Variants in RPS9 observed in about 807,000 individuals in gnomAD.
RPS9 encodes the protein ribosomal protein S9.
A neutral mutation model predicts 16.9 loss-of-function variants in RPS9; 1 was observed. That is an observed-to-expected ratio of 0.06 (90% confidence interval 0.02 to 0.28). The LOEUF is 0.28. RPS9 is among the 10% of genes least tolerant of loss of function. RPS9 has a pLI of 1.00. For synonymous variants in RPS9, 106 were observed against 110.9 expected, an observed-to-expected ratio of 0.96 and a Z score of 0.28; for missense variants, 137 against 273.2, an observed-to-expected ratio of 0.50 and a Z score of 3.51.
At chr19:54,205,143 A>T (rs1197462347) in intron 3 of RPS9, among the ~76,000 whole-genome samples, 2 of 152,074 alleles carry the variant, frequency 1.3e-5, no homozygotes, top group African/African-American at 4.8e-5. Flanking sequence ...TAAGGAAAAA[A>T]GGTTGAGGTG....
At chr19:54,202,831 T>G (rs1203013037) in intron 3 of RPS9, 8 of 985,300 alleles carry the variant, frequency 8.1e-6, no homozygotes, top group Non-Finnish European at 9.6e-6. Flanking sequence ...AGCTACAGAT[T>G]ATCACAGTTT....
intron 3 of RPS9, among the ~76,000 whole-genome samples, chr19:54,204,470 C>G (rs1396071937): frequency 1.3e-5 from 2 of 152,156 alleles, no homozygotes; most frequent in Non-Finnish European, 2.9e-5. Context: ...GTGGCATGGT[C>G]GTGGCTCACT....
Position 54,201,153 on chromosome 19 carries a change from C to G in RPS9, c.-25-7C>G, listed in dbSNP as rs1169978400. Reference sequence around the variant, plus strand: ...ATCCCTTACGCTCACACTTCTCTCCCGCGCAGGCGCAGACGGGGAAGCGGA... The same window carrying G: ...ATCCCTTACGCTCACACTTCTCTCCGGCGCAGGCGCAGACGGGGAAGCGGA... On this transcript the variant is annotated splice_region_variant and splice_polypyrimidine_tract_variant and intron_variant, in intron 1 of 4. Coordinates refer to ENST00000302907, the MANE Select transcript of RPS9 (RefSeq NM_001013.4). 3 of 1,612,640 alleles carry G rather than the reference C, an allele frequency of 1.9e-6. No individual in the cohort carries two copies. Among genetic ancestry groups the G allele is most frequent in the Non-Finnish European group, 2.5e-6 (3 of 1,179,826 alleles).
At chr19:54,203,418 A>T (rs751242554) in intron 3 of RPS9, 1 of 595,016 alleles carries the variant, frequency 1.7e-6, no homozygotes, top group Non-Finnish European at 2.1e-6. Context: ...CGAGATTCTG[A>T]GTCTCGTCTG....
At chr19:54,202,545 C>T in intron 3 of RPS9, 1 of 980,946 alleles carries the variant, frequency 1.0e-6, no homozygotes, top group African/African-American at 1.7e-5. Context: ...CTTAGGCTTA[C>T]TTTACTAATT....
intron 3 of RPS9, chr19:54,202,658 G>C: frequency 1.0e-6 from 1 of 985,426 alleles, no homozygotes; most frequent in African/African-American, 1.7e-5. Flanking sequence ...ACAGCAGATT[G>C]GCATGACCAA....
intron 3 of RPS9, among the ~76,000 whole-genome samples, chr19:54,203,734 T>C (rs2077141593): frequency 6.6e-6 from 1 of 151,560 alleles, no homozygotes; most frequent in Non-Finnish European, 1.5e-5. Flanking sequence ...TCCGCGGCAC[T>C]GCACTGGGTG....
Position 54,200,868 on chromosome 19 carries a change from G to A in RPS9, c.-46G>A. ...GTGGCGCTTCCGCGCCTCTTTCTCA[G>A]TGACCGGGTGGTTTGCTTAGGTGAG... On this transcript the variant is annotated 5_prime_UTR_variant, in exon 1 of 5. The change creates a new upstream start codon in the 5' untranslated region. Coordinates refer to ENST00000302907, the MANE Select transcript of RPS9 (RefSeq NM_001013.4). 1 of 1,107,430 alleles carries A rather than the reference G, an allele frequency of 9.0e-7. No homozygotes were observed. Among genetic ancestry groups the A allele is most frequent in the Non-Finnish European group, 1.1e-6 (1 of 903,804 alleles). The allele number at this position is 1,107,430 out of a possible 1,614,324, so 68.6% of individuals were successfully genotyped here.
At chr19:54,204,209 T>C (rs34812946) in intron 3 of RPS9, among the ~76,000 whole-genome samples, 46,444 of 151,866 alleles carry the variant, frequency 0.31, 8,361 homozygotes, top group East Asian at 0.43. Context: ...GAGAAACCCC[T>C]TAGTCTCTAC....
At position 54,207,545 on chromosome 19, in the gene RPS9, T is replaced by C; in HGVS notation, c.555T>C (p.Ala185=). 1.2e-6 allele frequency: 2 copies of C among 1,612,122 alleles called. No homozygotes were observed. The highest frequency in any genetic ancestry group is 1.1e-5 in the South Asian group (1 of 90,984). ...ATGCCAAGAAGGGCCAGGGTGGGGC[T>C]GGGGCTGGAGACGACGAGGAGGAGG... ...RKNAKKGQGG[A]GAGDDEEED Residue 185 remains alanine, a synonymous_variant, in exon 5 of 5, where the codon GCT becomes GCC. Coordinates refer to ENST00000302907, the MANE Select transcript of RPS9 (RefSeq NM_001013.4).
chr19:54,201,146 T>A lies in RPS9; in HGVS notation c.-25-14T>A. 6.2e-7 allele frequency: 1 copy of A among 1,612,352 alleles called. No individual in the cohort carries two copies. Among genetic ancestry groups the A allele is most frequent in the African/African-American group, 1.3e-5 (1 of 74,968 alleles). ...CGTTTGGATCCCTTACGCTCACACT[T>A]CTCTCCCGCGCAGGCGCAGACGGGG... On this transcript the variant is annotated splice_polypyrimidine_tract_variant and intron_variant, in intron 1 of 4. Coordinates refer to ENST00000302907, the MANE Select transcript of RPS9 (RefSeq NM_001013.4).
At chr19:54,201,085 C>A (rs888989761) in intron 1 of RPS9, 75 bp from the exon 2 acceptor site, 20 of 1,570,772 alleles carry the variant, frequency 1.3e-5, no homozygotes, top group South Asian at 8.0e-5. Context: ...CTGGGCTCCG[C>A]GAGGTTTTGG....
intron 1 of RPS9, 112 bp from the exon 2 acceptor site, chr19:54,201,048 T>C: frequency 6.7e-7 from 1 of 1,496,450 alleles, no homozygotes; most frequent in Non-Finnish European, 8.9e-7. Flanking sequence ...TATGAGAGCG[T>C]TGGAGGTTAT....
Position 54,206,182 on chromosome 19 carries a change from G to C in RPS9, c.221-94G>C. On this transcript the variant is annotated intron_variant, in intron 3 of 4. Coordinates refer to ENST00000302907, the MANE Select transcript of RPS9 (RefSeq NM_001013.4). ...GCTGTACTACTTGTGCCTCACCGCC[G>C]CGGCATGGAGCTACCAAGAGGCGGA... 3 of 1,288,424 alleles carry C rather than the reference G, an allele frequency of 2.3e-6. No homozygotes were observed. The East Asian group carries it at 7.3e-5, about 31-fold the overall frequency. 79.8% of individuals were successfully genotyped at this position (1,288,424 alleles called of 1,614,324 possible). A position where few individuals can be genotyped will look rare whatever the true frequency, so the allele number is the denominator to read the frequency against.
At chr19:54,206,610 A>C in intron 4 of RPS9, 148 bp downstream of exon 4, 1 of 1,551,690 alleles carries the variant, frequency 6.4e-7, no homozygotes, top group Non-Finnish European at 8.7e-7. Flanking sequence ...CCTTGCACAC[A>C]GCTCACCAGG....
At chr19:54,204,190 AC>A (rs148542961) in intron 3 of RPS9, among the ~76,000 whole-genome samples, 4,330 of 152,108 alleles carry the variant, frequency 0.028, 202 homozygotes, top group African/African-American at 0.1. Context: ...GACTAGCCTG[AC>A]CAAAGTGGAG....
At chr19:54,207,062 A>C in intron 4 of RPS9, 2 of 448,754 alleles carry the variant, frequency 4.5e-6, no homozygotes, top group Non-Finnish European at 4.0e-6. Flanking sequence ...GTGGTAATAC[A>C]GCTCAGTGTC....
chr19:54,201,359 C>G (rs978456868), intron 2 of RPS9, 78 bp downstream of exon 2: 18 of 1,608,134 alleles, frequency 1.1e-5, no homozygotes, highest in Admixed American at 1.0e-4. Flanking sequence ...CCCATGTACT[C>G]TATCTAGTCC....
At chr19:54,202,815 A>T (rs1223906297) in intron 3 of RPS9, 139 of 985,300 alleles carry the variant, frequency 1.4e-4, no homozygotes, top group Non-Finnish European at 1.7e-4. Flanking sequence ...GTCCTGGCGC[A>T]TGTTTAGCTA....
Sources: allele counts gnomAD v4.1 joint callset (sites outside exome capture counted in the v4.1 genomes callset), GRCh38; gene constraint gnomAD v4.1.1; transcripts MANE v1.5; gene names NCBI Gene and HGNC (gene_info 2026-07-23, HGNC 2026-07-21).